XIRP2: variants seen among roughly 807,000 people sequenced by gnomAD.
XIRP2 encodes the protein xin actin-binding repeat-containing protein 2.
Under a neutral mutation model 277.0 loss-of-function variants are expected in XIRP2, and 236 were observed. That is an observed-to-expected ratio of 0.85 (90% CI 0.77 to 0.95). The LOEUF (loss-of-function observed/expected upper bound fraction) is 0.95, where lower values mean the gene tolerates loss of function less well. Ranked by LOEUF, XIRP2 falls within the 40% of genes least tolerant of loss-of-function variation. XIRP2 has a pLI of 0.00. For missense variants in XIRP2, 4,640 were observed against 4,157.5 expected, an observed-to-expected ratio of 1.12 and a Z score of -3.19; for synonymous variants, 1,490 against 1,416.5, an observed-to-expected ratio of 1.05 and a Z score of -1.17.
intron 4 of XIRP2, among the ~76,000 whole-genome samples, chr2:167,213,189 TAA>T (rs1694108387): frequency 1.3e-5 from 2 of 152,176 alleles, no homozygotes; most frequent in African/African-American, 2.4e-5. Flanking sequence ...GAGGGAGAAG[TAA>T]CACTTGTTGA....
At chr2:166,936,026 C>G (rs1685487755) in intron 2 of XIRP2, among the ~76,000 whole-genome samples, 3 of 152,186 alleles carry the variant, frequency 2.0e-5, no homozygotes, top group Non-Finnish European at 4.4e-5. Flanking sequence ...GCAGTCCCAC[C>G]AACAGTGTAA....
At chr2:167,212,933 C>CCA (rs1694099745) in intron 4 of XIRP2, among the ~76,000 whole-genome samples, 2 of 132,058 alleles carry the variant, frequency 1.5e-5, no homozygotes, top group Non-Finnish European at 3.2e-5. Flanking sequence ...ACACACACAC[C>CCA]AAAAAAAATC....
chr2:167,133,885 A>G (rs1691456524), intron 2 of XIRP2, among the ~76,000 whole-genome samples: 1 of 152,048 alleles, frequency 6.6e-6, no homozygotes, highest in Non-Finnish European at 1.5e-5. Flanking sequence ...TCTCAACAGC[A>G]TGATACCTCA....
intron 2 of XIRP2, among the ~76,000 whole-genome samples, chr2:166,973,107 C>T (rs1037723352): frequency 2.0e-5 from 3 of 152,110 alleles, no homozygotes; most frequent in East Asian, 3.9e-4. Context: ...TGCATTTCAT[C>T]AGCCATTCAC....
At chr2:166,913,489 G>A (rs1336992680) in intron 2 of XIRP2, among the ~76,000 whole-genome samples, 1 of 152,190 alleles carries the variant, frequency 6.6e-6, no homozygotes, top group Non-Finnish European at 1.5e-5. Flanking sequence ...GCTCACGCTG[G>A]GAGCTGTAGA....
At position 167,189,602 on chromosome 2, in the gene XIRP2, G is replaced by A. The variant is rs977426312; in HGVS notation, c.563-21133G>A. Among the ~76,000 whole-genome samples, 8 of 152,174 alleles carry A rather than the reference G, an allele frequency of 5.3e-5. No homozygotes were observed. The East Asian group carries it at 9.7e-4, about 18-fold the overall frequency. The stretch of plus-strand genomic sequence containing the variant: ...ATAACAGGTTCATCCCTCACAGAAC[G>A]GTTACTTCACCTTTTCTAATTAATT... On this transcript the variant is annotated intron_variant, in intron 3 of 10. Transcript: ENST00000409195.
intron 3 of XIRP2, among the ~76,000 whole-genome samples, chr2:167,209,163 A>T (rs1293363000): frequency 2.0e-5 from 3 of 152,196 alleles, no homozygotes; most frequent in African/African-American, 7.2e-5. Flanking sequence ...TTATTCCTTT[A>T]TACTTTGTAT....
chr2:166,924,057 C>G (rs1033263576), intron 2 of XIRP2, among the ~76,000 whole-genome samples: 5 of 151,970 alleles, frequency 3.3e-5, no homozygotes, highest in Admixed American at 2.6e-4. Context: ...AAGCTGGACA[C>G]TAATTAAGGA....
At chr2:167,170,018 T>C (rs1036302444) in intron 3 of XIRP2, among the ~76,000 whole-genome samples, 1 of 152,172 alleles carries the variant, frequency 6.6e-6, no homozygotes, top group African/African-American at 2.4e-5. Flanking sequence ...TTCATTTTAT[T>C]GTGTGACATT....
At position 166,900,721 on chromosome 2, in the gene XIRP2, C is replaced by T. The variant is rs191077822; in HGVS notation, c.-18-2744C>T. On this transcript the variant is annotated intron_variant, in intron 1 of 10. Transcript: ENST00000409195. ...CCTGCTGGCTGGAAAGTTGGGAGGC[C>T]CCTCTTTATTGCTCTCCTTGTAGCC... Among the ~76,000 whole-genome samples, 6 of 152,142 alleles carry T rather than the reference C, an allele frequency of 3.9e-5. No individual in the cohort carries two copies. The East Asian group carries it at 1.2e-3, about 30-fold the overall frequency.
At chr2:166,961,137 A>G (rs1004514501) in intron 2 of XIRP2, among the ~76,000 whole-genome samples, 7 of 151,752 alleles carry the variant, frequency 4.6e-5, no homozygotes, top group Admixed American at 3.9e-4. Flanking sequence ...TGCAGAGAGC[A>G]GAATTACCCC....
At chr2:167,240,097 A>G (rs1695012323) in intron 6 of XIRP2, 132 bp downstream of exon 6, 3 of 825,478 alleles carry the variant, frequency 3.6e-6, no homozygotes, top group African/African-American at 1.8e-5. Context: ...TTCTTTCTCC[A>G]CTTTCAAGTT....
chr2:167,211,107 A>AT, intron 4 of XIRP2, among the ~76,000 whole-genome samples: 1 of 152,126 alleles, frequency 6.6e-6, no homozygotes, highest in East Asian at 1.9e-4. Flanking sequence ...ATTTTTATTT[A>AT]TTTTTTATTT....
intron 3 of XIRP2, among the ~76,000 whole-genome samples, chr2:167,144,123 T>C (rs909911860): frequency 1.3e-5 from 2 of 152,122 alleles, no homozygotes; most frequent in Non-Finnish European, 2.9e-5. Context: ...CTTTAAAATA[T>C]ATAATATACA....
At chr2:167,175,198 A>C (rs1327919805) in intron 3 of XIRP2, among the ~76,000 whole-genome samples, 1 of 152,160 alleles carries the variant, frequency 6.6e-6, no homozygotes, top group South Asian at 2.1e-4. Context: ...TTCTCCCACT[A>C]TTATTGTGTG....
intron 2 of XIRP2, among the ~76,000 whole-genome samples, chr2:166,974,308 C>T (rs960768343): frequency 5.3e-5 from 8 of 151,746 alleles, no homozygotes; most frequent in East Asian, 1.9e-4. Flanking sequence ...AAAATGACAC[C>T]GAGTAGAAAC....
chr2:167,247,507 C>G lies in XIRP2; in HGVS notation c.6115C>G (p.Leu2039Val). 1 of 1,613,718 alleles carries G rather than the reference C, an allele frequency of 6.2e-7. No individual in the cohort carries two copies. Among genetic ancestry groups the G allele is most frequent in the Non-Finnish European group, 8.5e-7 (1 of 1,179,792 alleles). ...AGATCGTGAACAAAACAATGATGCT[C>G]TGGAGAAAAGCCTTAGAAGACTATC... ...VIDREQNNDA[L>V]EKSLRRLSNS... Residue 2039 changes from leucine (L) to valine (V), a missense_variant, in exon 9 of 11, where the codon CTG (leucine) becomes GTG (valine). Coordinates refer to ENST00000409195, the MANE Select transcript of XIRP2 (RefSeq NM_152381.6).
At chr2:166,977,304 T>G (rs1378153567) in intron 2 of XIRP2, among the ~76,000 whole-genome samples, 1 of 152,204 alleles carries the variant, frequency 6.6e-6, no homozygotes, top group Non-Finnish European at 1.5e-5. Context: ...TTCTTCAATA[T>G]TTTTTCTAAC....
intron 2 of XIRP2, among the ~76,000 whole-genome samples, chr2:167,118,641 A>C (rs538697547): frequency 8.5e-5 from 13 of 152,216 alleles, no homozygotes; most frequent in African/African-American, 3.1e-4. Context: ...AGAACACCAT[A>C]TTGGACAGAG....
Sources: gnomAD v4.1 joint callset for allele counts (sites outside exome capture counted in the v4.1 genomes callset) on GRCh38, gnomAD v4.1.1 for gene constraint, MANE v1.5 for transcripts, NCBI Gene and HGNC (gene_info 2026-07-23, HGNC 2026-07-21) for gene names.